The following ADCY3 variants were observed in gnomAD, a reference collection of about 807,000 sequenced individuals.
ADCY3 encodes the protein adenylate cyclase 3, also known as adenylate cyclase type 3.
A neutral mutation model predicts 119.4 loss-of-function variants in ADCY3; 70 were observed. The observed-to-expected ratio is 0.59, with a 90% CI of 0.48 to 0.72. ADCY3 has a LOEUF of 0.72. Among genes scored for constraint, ADCY3 ranks in the 30% least tolerant of loss-of-function variants. ADCY3 has a pLI of 0.00. For missense variants in ADCY3, 1,238 were observed against 1,541.6 expected (o/e 0.80, Z 3.30); for synonymous variants, 672 against 621.4 (o/e 1.08, Z -1.21).
Position 24,872,752 on chromosome 2 carries a change from G to A in ADCY3, c.676-33C>T, listed in dbSNP as rs200522040. The A allele has an allele frequency of 5.6e-6, 9 of 1,603,700 alleles. No individual in the cohort carries two copies. The East Asian group carries it at 2.0e-4, about 36-fold the overall frequency. ...CCAAGGAAGAAGAGAGAAAAGGCCA[G>A]GGGTGAAGGCACGTCTTCAGAAAAG... On this transcript the variant is annotated intron_variant, in intron 2 of 21. Transcript: ENST00000679454. The surrounding 1 kb of genome is among the most constrained non-coding windows in gnomAD (Gnocchi z 4.4).
chr2:24,899,225 C>A lies in ADCY3; in HGVS notation c.675+19088G>T, dbSNP rs574789876. On this transcript the variant is annotated intron_variant, in intron 2 of 21. Transcript: ENST00000679454. This position sits in a 1 kb window ranked among gnomAD's most constrained non-coding sequence, Gnocchi z 4.5. The stretch of plus-strand genomic sequence containing the variant: ...GCTGCCCAGGGCCCCAGGCATCCAA[C>A]TCTGGGCCACGCTTCCCTCCTCCTG... Among the ~76,000 whole-genome samples, 1 of 152,348 alleles carries A rather than the reference C, an allele frequency of 6.6e-6. No homozygotes were observed. Among genetic ancestry groups the A allele is most frequent in the East Asian group, 1.9e-4 (1 of 5,186 alleles).
chr2:24,901,276 C>T (rs1439738859), intron 2 of ADCY3, among the ~76,000 whole-genome samples: 1 of 152,202 alleles, frequency 6.6e-6, no homozygotes, highest in East Asian at 1.9e-4. Flanking sequence ...GCATTTATTT[C>T]TGCTCCAACT....
intron 16 of ADCY3, 51 bp from the exon 17 acceptor site, chr2:24,824,587 G>C: frequency 6.3e-7 from 1 of 1,590,364 alleles, no homozygotes; most frequent in Non-Finnish European, 8.6e-7. Context: ...CCACTGGATA[G>C]AAGGATGAAA....
At position 24,857,991 on chromosome 2, in the gene ADCY3, A is replaced by ATT. The variant is rs56672595; in HGVS notation, c.825+14577_825+14578dup. ...AAGTCCTGAAATACTTGTGGTCTGA[A>ATT]TTTTTTTTTTTTTTTTTTTTTTTTA... On this transcript the variant is annotated intron_variant, in intron 3 of 21. Coordinates refer to ENST00000679454, the MANE Select transcript of ADCY3 (RefSeq NM_004036.5). 4.2e-3 allele frequency among the ~76,000 whole-genome samples: 518 copies of ATT among 122,384 alleles called. 12 individuals are homozygous for ATT. Among genetic ancestry groups the ATT allele is most frequent in the African/African-American group, 0.014 (399 of 29,448 alleles). 80.3% of individuals were successfully genotyped at this position (122,384 alleles called of 152,430 possible). A position where few individuals can be genotyped will look rare whatever the true frequency, so the allele number is the denominator to read the frequency against.
At position 24,821,602 on chromosome 2, in the gene ADCY3, A is replaced by G; in HGVS notation, c.3042T>C (p.Ala1014=). 2 of 1,614,202 alleles carry G rather than the reference A, an allele frequency of 1.2e-6. No individual in the cohort carries two copies. The highest frequency in any genetic ancestry group is 8.5e-7 in the Non-Finnish European group (1 of 1,180,040). The change falls in exon 20 of 22, where the codon GCT becomes GCC. Residue 1014 remains alanine, a synonymous_variant. Transcript: ENST00000679454. ...KSERERWQHL[A]DLADFALAMK... ...TGGCCAGCGCGAAGTCGGCCAGGTC[A>G]GCCAGGTGCTGCCAGCGCTCTCTCT... is the stretch of plus-strand genomic sequence containing the variant.
chr2:24,864,454 C>A (rs1016957722), intron 3 of ADCY3, among the ~76,000 whole-genome samples: 1 of 152,044 alleles, frequency 6.6e-6, no homozygotes, highest in Non-Finnish European at 1.5e-5. Context: ...CAGCACCATT[C>A]CCAATAGCAA....
intron 3 of ADCY3, among the ~76,000 whole-genome samples, chr2:24,845,110 C>G (rs1333223386): frequency 6.6e-6 from 1 of 152,214 alleles, no homozygotes; most frequent in Non-Finnish European, 1.5e-5. Flanking sequence ...CCAATTAAAC[C>G]TCTTTTTCTT....
chr2:24,834,341 G>T lies in ADCY3; in HGVS notation c.1967+144C>A. 9.7e-7 allele frequency: 1 copy of T among 1,032,400 alleles called. No individual in the cohort carries two copies. Among genetic ancestry groups the T allele is most frequent in the Non-Finnish European group, 1.4e-6 (1 of 727,296 alleles). The allele number at this position is 1,032,400 out of a possible 1,614,324, so 64.0% of individuals were successfully genotyped here. On this transcript the variant is annotated intron_variant, in intron 11 of 21. Transcript: ENST00000679454. The surrounding 1 kb of genome is among the most constrained non-coding windows in gnomAD (Gnocchi z 4.2). ...GTGCCGTCTAGCACTCCTGGGGCCTGTGGGGGCCGTCCCAGTGGGGGTCAG... is the reference window on the plus strand; with the variant it reads ...GTGCCGTCTAGCACTCCTGGGGCCTTTGGGGGCCGTCCCAGTGGGGGTCAG...
At chr2:24,868,304 TCAAA>T (rs1674549500) in intron 3 of ADCY3, among the ~76,000 whole-genome samples, 1 of 152,164 alleles carries the variant, frequency 6.6e-6, no homozygotes, top group African/African-American at 2.4e-5. Context: ...GAGATAAAGC[TCAAA>T]CAATGTAATG....
At chr2:24,836,788 A>G in intron 9 of ADCY3, 129 bp downstream of exon 9, 8 of 1,377,442 alleles carry the variant, frequency 5.8e-6, no homozygotes, top group Non-Finnish European at 6.8e-6. Context: ...TACAGTGCTA[A>G]GCAGGAGCAG....
intron 15 of ADCY3, 139 bp from the exon 16 acceptor site, chr2:24,826,265 A>G: frequency 1.4e-6 from 1 of 702,484 alleles, no homozygotes; most frequent in African/African-American, 1.8e-5. Flanking sequence ...CTTTCACATC[A>G]AGTCGGGCTC....
chr2:24,894,893 T>C (rs1397489285), intron 2 of ADCY3, among the ~76,000 whole-genome samples: 1 of 152,182 alleles, frequency 6.6e-6, no homozygotes, highest in African/African-American at 2.4e-5. Context: ...GAATTCTAGA[T>C]TGACCTACTT....
At chr2:24,838,300 G>T in intron 8 of ADCY3, 145 bp downstream of exon 8, 1 of 803,626 alleles carries the variant, frequency 1.2e-6, no homozygotes, top group Non-Finnish European at 2.0e-6. Context: ...CTTGGGAAGG[G>T]TGCCAGCCTG....
chr2:24,820,153 G>A, intron 21 of ADCY3, 39 bp from the exon 22 acceptor site: 2 of 1,504,582 alleles, frequency 1.3e-6, no homozygotes, highest in Non-Finnish European at 1.8e-6. Flanking sequence ...GCGTTACGGG[G>A]GGAGCCTAGA....
At chr2:24,911,357 C>T (rs1228791525) in intron 2 of ADCY3, among the ~76,000 whole-genome samples, 1 of 150,742 alleles carries the variant, frequency 6.6e-6, no homozygotes, top group Admixed American at 6.7e-5. Flanking sequence ...ACAAGACACA[C>T]ACCATCAGCC....
chr2:24,890,663 G>A (rs78204594), intron 2 of ADCY3, among the ~76,000 whole-genome samples: 10 of 152,250 alleles, frequency 6.6e-5, no homozygotes, highest in Non-Finnish European at 1.2e-4. Flanking sequence ...TCCCGGTACT[G>A]GTCATTTGTG....
chr2:24,822,738 C>T, intron 18 of ADCY3, 108 bp from the exon 19 acceptor site: 1 of 1,427,900 alleles, frequency 7.0e-7, no homozygotes, highest in East Asian at 2.4e-5. Flanking sequence ...CCAAGAGACA[C>T]TTTCCTATCA....
intron 2 of ADCY3, among the ~76,000 whole-genome samples, chr2:24,907,470 G>T (rs1349565751): frequency 6.6e-6 from 1 of 152,176 alleles, no homozygotes; most frequent in Non-Finnish European, 1.5e-5. Flanking sequence ...AAAGTGTTGT[G>T]GAGGAGAGGA....
chr2:24,844,938 G>A (rs1013961955), intron 3 of ADCY3, among the ~76,000 whole-genome samples: 2 of 152,162 alleles, frequency 1.3e-5, no homozygotes, highest in African/African-American at 4.8e-5. Context: ...TCTTTTCTGT[G>A]CTATTCTTGT....
Sources: gnomAD v4.1 joint callset for allele counts (sites outside exome capture counted in the v4.1 genomes callset) on GRCh38, gnomAD v4.1.1 for gene constraint, Gnocchi (gnomAD v3.1) non-coding constraint, MANE v1.5 for transcripts, NCBI Gene and HGNC (gene_info 2026-07-23, HGNC 2026-07-21) for gene names.